The following COL21A1 variants were observed in gnomAD, a reference collection of about 807,000 sequenced individuals.
COL21A1 encodes the protein collagen alpha-1(XXI) chain.
Under a neutral mutation model 137.9 loss-of-function variants are expected in COL21A1, and 149 were observed. That is an observed-to-expected ratio of 1.08 (90% CI 0.95 to 1.24). The LOEUF (loss-of-function observed/expected upper bound fraction) is 1.24, where lower values mean the gene tolerates loss of function less well. COL21A1 is among the 50% of genes most tolerant of loss of function. COL21A1 has a pLI of 0.00. For synonymous variants in COL21A1, 456 were observed against 391.5 expected (o/e 1.16, Z -1.95); for missense variants, 1,167 against 1,158.4 (o/e 1.01, Z -0.11).
chr6:56,163,807 A>G (rs1157549001), intron 9 of COL21A1, among the ~76,000 whole-genome samples: 1 of 152,184 alleles, frequency 6.6e-6, no homozygotes, highest in Non-Finnish European at 1.5e-5. Flanking sequence ...TACGCACACA[A>G]TGGCTCCGAT....
intron 1 of COL21A1, among the ~76,000 whole-genome samples, chr6:56,263,362 C>T (rs1050896094): frequency 6.6e-6 from 1 of 152,140 alleles, no homozygotes; most frequent in African/African-American, 2.4e-5. Context: ...AGAGAAAGGT[C>T]TGACCCAATG....
chr6:56,300,806 G>T (rs1324675026), intron 1 of COL21A1, among the ~76,000 whole-genome samples: 1 of 152,080 alleles, frequency 6.6e-6, no homozygotes, highest in Non-Finnish European at 1.5e-5. Context: ...TTTATTGATT[G>T]CTTGGTTGAT....
intron 1 of COL21A1, among the ~76,000 whole-genome samples, chr6:56,284,670 C>T (rs781663821): frequency 3.9e-5 from 6 of 152,092 alleles, no homozygotes; most frequent in Non-Finnish European, 7.4e-5. Flanking sequence ...CCTTCCTTAC[C>T]ATTCTTTCTT....
At chr6:56,330,020 G>C (rs1765182742) in intron 1 of COL21A1, among the ~76,000 whole-genome samples, 1 of 151,996 alleles carries the variant, frequency 6.6e-6, no homozygotes, top group Non-Finnish European at 1.5e-5. Context: ...TCTTCTAAAA[G>C]TTTTCTATTC....
intron 9 of COL21A1, among the ~76,000 whole-genome samples, chr6:56,158,279 T>TC (rs1483078002): frequency 2.9e-5 from 4 of 138,258 alleles, no homozygotes; most frequent in Non-Finnish European, 4.7e-5. Context: ...TTTTTTTTTT[T>TC]TTTTTTTTTC....
chr6:56,353,704 G>A (rs1161221235), intron 1 of COL21A1, among the ~76,000 whole-genome samples: 1 of 152,048 alleles, frequency 6.6e-6, no homozygotes, highest in Non-Finnish European at 1.5e-5. Flanking sequence ...ATCAAAATGT[G>A]AATAACCAGT....
In COL21A1 at chr6:56,223,398, A is replaced by G. The variant is rs78872161; in HGVS notation, c.-39+23989T>C. On this transcript the variant is annotated intron_variant, in intron 1 of 29. Coordinates refer to ENST00000244728, the MANE Select transcript of COL21A1 (RefSeq NM_030820.4). ...CCATAAGTAATATCCTTCATTCTAT[A>G]ACATGACTTACTGAAACACTTATTT... Among the ~76,000 whole-genome samples the G allele has an allele frequency of 8.3e-3, 1,262 of 152,270 alleles. 21 individuals are homozygous for G. Among genetic ancestry groups the G allele is most frequent in the African/African-American group, 0.029 (1,217 of 41,584 alleles).
intron 1 of COL21A1, among the ~76,000 whole-genome samples, chr6:56,349,226 T>G (rs902100484): frequency 3.3e-5 from 5 of 152,110 alleles, no homozygotes; most frequent in African/African-American, 1.2e-4. Context: ...GTTGGACAAC[T>G]TAATACTGAA....
chr6:56,356,880 T>C (rs994937290), intron 1 of COL21A1, among the ~76,000 whole-genome samples: 29 of 151,792 alleles, frequency 1.9e-4, no homozygotes, highest in Non-Finnish European at 3.8e-4. Context: ...ATGAAAAAAA[T>C]GTTATGAAAT....
chr6:56,202,265 G>A (rs538938414), intron 1 of COL21A1, among the ~76,000 whole-genome samples: 15 of 152,258 alleles, frequency 9.9e-5, no homozygotes, highest in Non-Finnish European at 1.9e-4. Context: ...TAATAAAACT[G>A]TGTATTGTTT....
At chr6:56,270,514 CAGAA>C (rs1227880328) in intron 1 of COL21A1, among the ~76,000 whole-genome samples, 3 of 152,184 alleles carry the variant, frequency 2.0e-5, no homozygotes, top group African/African-American at 4.8e-5. Context: ...ACCACTGAGG[CAGAA>C]AACTAACAAA....
chr6:56,087,433 G>T (rs1432027541), intron 17 of COL21A1, among the ~76,000 whole-genome samples: 1 of 152,134 alleles, frequency 6.6e-6, no homozygotes, highest in Non-Finnish European at 1.5e-5. Context: ...GATGTCTTCA[G>T]TATTGAACTC....
chr6:56,334,028 T>TATGATAGTATGGAGTTTCAGTA (rs59592166), intron 1 of COL21A1, among the ~76,000 whole-genome samples: 102,125 of 151,516 alleles, frequency 0.67, 34,772 homozygotes, highest in East Asian at 0.9. Flanking sequence ...ATGCTTTGCA[T>TATGATAGTATGGAGTTTCAGTA]ATGACAGTAT....
At chr6:56,268,640 A>G (rs578071555) in intron 1 of COL21A1, among the ~76,000 whole-genome samples, 6 of 152,310 alleles carry the variant, frequency 3.9e-5, no homozygotes, top group African/African-American at 1.4e-4. Context: ...CCAATTGACT[A>G]TACTCAACTT....
At chr6:56,098,710 T>TATATATAA in intron 17 of COL21A1, among the ~76,000 whole-genome samples, 1 of 102,286 alleles carries the variant, frequency 9.8e-6, no homozygotes, top group African/African-American at 3.8e-5. Flanking sequence ...TATATATAAA[T>TATATATAA]ATATATAAAT....
intron 24 of COL21A1, among the ~76,000 whole-genome samples, chr6:56,064,211 CAAG>C (rs1219793654): frequency 1.3e-5 from 2 of 151,980 alleles, no homozygotes; most frequent in Non-Finnish European, 2.9e-5. Context: ...AACTGATTTT[CAAG>C]AAGAAAAGCA....
chr6:56,157,015 A>G, intron 9 of COL21A1, 66 bp from the exon 10 acceptor site: 1 of 1,116,162 alleles, frequency 9.0e-7, no homozygotes, highest in Non-Finnish European at 1.3e-6. Flanking sequence ...GTCAGGATCA[A>G]TAAAAGTTCA....
intron 1 of COL21A1, among the ~76,000 whole-genome samples, chr6:56,243,109 A>G (rs1466698148): frequency 6.6e-6 from 1 of 152,206 alleles, no homozygotes; most frequent in Non-Finnish European, 1.5e-5. Flanking sequence ...TAATATCCCT[A>G]ACCATTCTAA....
chr6:56,189,950 A>G (rs577083355), intron 1 of COL21A1, among the ~76,000 whole-genome samples: 1 of 152,352 alleles, frequency 6.6e-6, no homozygotes, highest in East Asian at 1.9e-4. Flanking sequence ...GGTCTGCCTT[A>G]CAAGAGCTCC....
Sources: gnomAD v4.1 joint callset for allele counts (sites outside exome capture counted in the v4.1 genomes callset) on GRCh38, gnomAD v4.1.1 for gene constraint, MANE v1.5 for transcripts, NCBI Gene and HGNC (gene_info 2026-07-23, HGNC 2026-07-21) for gene names.